RASA2: variants seen among roughly 807,000 people sequenced by gnomAD.
RASA2 encodes the protein RAS p21 protein activator 2.
RASA2 carries 155 observed loss-of-function variants against 118.2 expected under a neutral mutation model. That is an observed-to-expected ratio of 1.31 (90% CI 1.15 to 1.50). The LOEUF (loss-of-function observed/expected upper bound fraction) is 1.50. RASA2 is among the 40% of genes most tolerant of loss of function. RASA2 has a pLI of 0.00. For synonymous variants in RASA2, 353 were observed against 349.1 expected, an observed-to-expected ratio of 1.01 and a Z score of -0.12; for missense variants, 1,016 against 1,009.6, an observed-to-expected ratio of 1.01 and a Z score of -0.09.
intron 19 of RASA2, chr3:141,590,277 C>A: frequency 2.5e-6 from 1 of 406,550 alleles, no homozygotes; most frequent in South Asian, 1.8e-5. Flanking sequence ...GCATTTACTC[C>A]GCAGCTAAAT....
chr3:141,579,503 A>G (rs1188368583), intron 15 of RASA2: 1 of 152,224 alleles, frequency 6.6e-6, no homozygotes, highest in East Asian at 1.9e-4. Context: ...AGATCCAAAA[A>G]TAACTAGGTG....
chr3:141,556,537 C>T (rs2082652693), intron 7 of RASA2, among the ~76,000 whole-genome samples: 1 of 152,012 alleles, frequency 6.6e-6, no homozygotes, highest in African/African-American at 2.4e-5. Flanking sequence ...GCTTCAGCTG[C>T]CTTGAAGTTG....
chr3:141,561,246 C>A (rs1484299289), intron 9 of RASA2, among the ~76,000 whole-genome samples: 1 of 152,116 alleles, frequency 6.6e-6, no homozygotes, highest in Admixed American at 6.5e-5. Context: ...ATGTGCCAGA[C>A]CACTCAGTAC....
intron 1 of RASA2, among the ~76,000 whole-genome samples, chr3:141,495,042 A>G (rs1382920917): frequency 6.6e-6 from 1 of 152,260 alleles, no homozygotes; most frequent in African/African-American, 2.4e-5. Flanking sequence ...CTTATAAACA[A>G]AAGTTAAAAG....
intron 23 of RASA2, among the ~76,000 whole-genome samples, chr3:141,610,426 TA>T (rs1467544359): frequency 1.3e-5 from 1 of 75,282 alleles, no homozygotes; most frequent in Admixed American, 1.5e-4. Context: ...ATTTATATAT[TA>T]TATATTTATA....
chr3:141,571,774 C>G lies in RASA2; in HGVS notation c.1169+220C>G, dbSNP rs113631794. On this transcript the variant is annotated intron_variant, in intron 11 of 23. Transcript: ENST00000286364. ...TAATGAAGGATGTTTTTCTTTAACT[C>G]AGGAAATTTCATTTGTTACTAATCT... 8.6e-3 allele frequency among the ~76,000 whole-genome samples: 1,305 copies of G among 152,124 alleles called. 19 individuals carry two copies. Among genetic ancestry groups the G allele is most frequent in the African/African-American group, 0.029 (1,209 of 41,504 alleles).
At chr3:141,592,247 C>T (rs571719955) in intron 19 of RASA2, among the ~76,000 whole-genome samples, 51 of 152,046 alleles carry the variant, frequency 3.4e-4, no homozygotes, top group African/African-American at 1.1e-3. Flanking sequence ...TAAAGATGGT[C>T]GGGGAGTGAA....
chr3:141,540,175 G>A (rs1192645045), intron 4 of RASA2, among the ~76,000 whole-genome samples: 1 of 151,902 alleles, frequency 6.6e-6, no homozygotes, highest in Non-Finnish European at 1.5e-5. Context: ...CCTTAATGCT[G>A]GTTTATCTTC....
chr3:141,528,347 C>T (rs1203361841), intron 3 of RASA2, among the ~76,000 whole-genome samples: 2 of 151,740 alleles, frequency 1.3e-5, no homozygotes, highest in East Asian at 3.8e-4. Flanking sequence ...ATTCACATAC[C>T]ATTAATTCAC....
chr3:141,512,791 G>A (rs2081969819), intron 2 of RASA2, among the ~76,000 whole-genome samples: 1 of 152,156 alleles, frequency 6.6e-6, no homozygotes, highest in South Asian at 2.1e-4. Flanking sequence ...GGCCGGGCGT[G>A]GTGGCTCACG....
chr3:141,568,409 G>A (rs1390584226), intron 9 of RASA2, among the ~76,000 whole-genome samples: 1 of 151,974 alleles, frequency 6.6e-6, no homozygotes, highest in East Asian at 1.9e-4. Context: ...AGAAAATAGA[G>A]AAGGGTCCAT....
At chr3:141,570,607 C>G (rs747362332) in intron 9 of RASA2, among the ~76,000 whole-genome samples, 7 of 152,028 alleles carry the variant, frequency 4.6e-5, no homozygotes, top group Non-Finnish European at 1.0e-4. Context: ...AAATGTTTAC[C>G]TTTTATTATC....
intron 12 of RASA2, among the ~76,000 whole-genome samples, 155 bp downstream of exon 12, chr3:141,572,878 G>A (rs2082946861): frequency 6.6e-6 from 1 of 152,038 alleles, no homozygotes; most frequent in South Asian, 2.1e-4. Context: ...CTCTGTCAAT[G>A]GATTTTTACT....
chr3:141,555,503 A>T (rs1394461841), intron 6 of RASA2, among the ~76,000 whole-genome samples: 1 of 152,060 alleles, frequency 6.6e-6, no homozygotes, highest in Non-Finnish European at 1.5e-5. Context: ...TTCAACATAG[A>T]TGAAGGTGCT....
At chr3:141,598,329 T>C (rs2083407737) in intron 19 of RASA2, among the ~76,000 whole-genome samples, 1 of 152,170 alleles carries the variant, frequency 6.6e-6, no homozygotes, top group Admixed American at 6.5e-5. Context: ...ATAAAGTTGG[T>C]TTAATATCTG....
Position 141,586,704 on chromosome 3 carries a change from C to T in RASA2, c.1885C>T (p.Arg629Ter), listed in dbSNP as rs763528237. ...GATTGGAAAAAAGAATTTTAAGAAA[C>T]GATGGTTCTGCTTAACAAGCAGAGA... ...TRIGKKNFKK[R>*]WFCLTSRELT... is the part of the protein sequence containing the mutation. The change falls in exon 19 of 24, where the codon CGA (arginine) becomes TGA (stop). Residue 629 changes from arginine to a stop codon, truncating the protein, a stop_gained. Coordinates refer to ENST00000286364, the MANE Select transcript of RASA2 (RefSeq NM_006506.5). LOFTEE classifies it high-confidence loss of function. 29 of 1,613,456 alleles carry T rather than the reference C, an allele frequency of 1.8e-5. No homozygotes were observed. The highest frequency in any genetic ancestry group is 5.3e-5 in the African/African-American group (4 of 74,880).
intron 16 of RASA2, 104 bp downstream of exon 16, chr3:141,580,555 T>TACGCAC: frequency 1.7e-6 from 1 of 580,736 alleles, no homozygotes; most frequent in Non-Finnish European, 3.0e-6. Flanking sequence ...AAACAAAACA[T>TACGCAC]ACACACACAC....
intron 17 of RASA2, among the ~76,000 whole-genome samples, chr3:141,581,693 T>A (rs1237642992): frequency 6.6e-6 from 1 of 152,184 alleles, no homozygotes; most frequent in Non-Finnish European, 1.5e-5. Flanking sequence ...GGCACTTAAT[T>A]GCCATAGTAA....
At chr3:141,545,982 C>T (rs904389277) in intron 5 of RASA2, among the ~76,000 whole-genome samples, 2 of 152,158 alleles carry the variant, frequency 1.3e-5, no homozygotes, top group African/African-American at 4.8e-5. Context: ...TGGTTTATTT[C>T]ACTTAACGTA....
Sources: gnomAD v4.1 joint callset for allele counts (sites outside exome capture counted in the v4.1 genomes callset) on GRCh38, gnomAD v4.1.1 for gene constraint, MANE v1.5 for transcripts, NCBI Gene and HGNC (gene_info 2026-07-23, HGNC 2026-07-21) for gene names.